MMGT1: variants seen among roughly 807,000 people sequenced by gnomAD.
MMGT1 encodes the protein ER membrane protein complex subunit 5.
Under a neutral mutation model 11.7 loss-of-function variants are expected in MMGT1, and 2 were observed. The observed-to-expected ratio is 0.17, with a 90% CI of 0.07 to 0.54. MMGT1 has a LOEUF of 0.54. Among genes scored for constraint, MMGT1 ranks in the 20% least tolerant of loss-of-function variants. The pLI is 0.94. For synonymous variants in MMGT1, 49 were observed against 44.4 expected (o/e 1.10, Z -0.41); for missense variants, 74 against 109.0 (o/e 0.68, Z 1.43).
chrX:135,969,829 G>A lies in MMGT1; in HGVS notation c.132+1229C>T, dbSNP rs2089207496. On this transcript the variant is annotated intron_variant, in intron 2 of 3. Transcript: ENST00000305963. ...TTAGGTAAAACTACACATACATAAT[G>A]CTGTTTGTGTATAGGAAGAAGACTG... 2.7e-5 allele frequency among the ~76,000 whole-genome samples: 3 copies of A among 112,076 alleles called. 1 individual carries two copies. The South Asian group carries it at 1.1e-3, about 41-fold the overall frequency.
rs1461531114 is a variant in MMGT1 at position 135,973,688 on chromosome X, G to T, written c.-13C>A. 8.6e-7 allele frequency: 1 copy of T among 1,167,372 alleles called. No individual in the cohort carries two copies. The highest frequency in any genetic ancestry group is 1.8e-5 in the African/African-American group (1 of 56,400). Reference sequence around the variant, plus strand: ...GCGACGGCGCCATGATGCCGAAGGAGCAGCAGCCCAGCAAAAGAAGCGAAG... The same window carrying T: ...GCGACGGCGCCATGATGCCGAAGGATCAGCAGCCCAGCAAAAGAAGCGAAG... On this transcript the variant is annotated 5_prime_UTR_variant, in exon 1 of 4. Transcript: ENST00000305963.
In MMGT1 at chrX:135,973,852, G is replaced by A. The variant is rs1430666415; in HGVS notation, c.-177C>T. The stretch of plus-strand genomic sequence containing the variant: ...GAGAAAACGGAAACAGGAATGCCGG[G>A]AAGAAGCAGAAAGCTACACGGAAAA... On this transcript the variant is annotated 5_prime_UTR_variant, in exon 1 of 4. Transcript: ENST00000305963. The A allele has an allele frequency of 8.6e-7, 1 of 1,160,849 alleles. No individual in the cohort carries two copies. The highest frequency in any genetic ancestry group is 1.1e-6 in the Non-Finnish European group (1 of 870,654).
Position 135,973,733 on chromosome X carries a change from C to T in MMGT1, c.-58G>A. On this transcript the variant is annotated 5_prime_UTR_variant, in exon 1 of 4. Transcript: ENST00000305963. Reference sequence around the variant, plus strand: ...GCGAAGGACGGCGGAGCTGTTTCTTCTTCCACCGGCGGGTGTCCGCGCGCC... The same window carrying T: ...GCGAAGGACGGCGGAGCTGTTTCTTTTTCCACCGGCGGGTGTCCGCGCGCC... The T allele has an allele frequency of 1.7e-6, 2 of 1,166,831 alleles. No individual in the cohort carries two copies. The highest frequency in any genetic ancestry group is 1.8e-5 in the African/African-American group (1 of 56,216).
intron 1 of MMGT1, among the ~76,000 whole-genome samples, chrX:135,971,541 C>T (rs2089219212): frequency 8.9e-6 from 1 of 112,014 alleles, no homozygotes; most frequent in Admixed American, 9.5e-5. Context: ...CTAGAAACTT[C>T]TCAAAACCGT....
rs1438237245 is a variant in MMGT1 at position 135,962,365 on chromosome X, T to C, written c.*2659A>G. On this transcript the variant is annotated 3_prime_UTR_variant, in exon 4 of 4. Transcript: ENST00000305963. ...AGTATTTGGCTGGTTCCCTGGTTAT[T>C]AAGTGAGTCGTTCCGTATTTTAAAG... The C allele has an allele frequency of 8.9e-6, 1 of 111,783 alleles. No individual in the cohort carries two copies. Among genetic ancestry groups the C allele is most frequent in the Non-Finnish European group, 1.9e-5 (1 of 53,180 alleles). The allele number at this position is 111,783 out of a possible 1,213,427, so 9.2% of individuals were successfully genotyped here. A position where few individuals can be genotyped will look rare whatever the true frequency, so the allele number is the denominator to read the frequency against.
chrX:135,965,570 TTTA>T (rs2089180804), intron 3 of MMGT1, among the ~76,000 whole-genome samples: 1 of 110,518 alleles, frequency 9.0e-6, no homozygotes, highest in Non-Finnish European at 1.9e-5. Flanking sequence ...ATGGCTTTCT[TTTA>T]TTATTATTTT....
At position 135,973,653 on chromosome X, in the gene MMGT1, C is replaced by T; in HGVS notation, c.23G>A (p.Gly8Glu). 8.6e-7 allele frequency: 1 copy of T among 1,167,464 alleles called. No individual in the cohort carries two copies. Among genetic ancestry groups the T allele is most frequent in the Non-Finnish European group, 1.1e-6 (1 of 873,052 alleles). Residue 8 changes from glycine to glutamate, a missense_variant, in exon 1 of 4, where the codon GGG becomes GAG. By Grantham distance (98) the Gly-to-Glu change is moderately conservative. Around this residue, in one of 2 missense-constraint regions of MMGT1, gnomAD observed 40 missense variants for 79.6 expected, o/e 0.50. Coordinates refer to ENST00000305963, the MANE Select transcript of MMGT1 (RefSeq NM_173470.3). The part of the protein sequence containing the change: MAPSLWK[G>E]LVGIGLFALA... ...GGCAAAGAGACCGATGCCCACCAGCCCCTTCCACAGCGACGGCGCCATGAT... is the reference window on the plus strand; with the variant it reads ...GGCAAAGAGACCGATGCCCACCAGCTCCTTCCACAGCGACGGCGCCATGAT...
At position 135,973,861 on chromosome X, in the gene MMGT1, G is replaced by A. The variant is rs1556612930; in HGVS notation, c.-186C>T. The A allele has an allele frequency of 1.7e-6, 2 of 1,159,837 alleles. No individual in the cohort carries two copies. The highest frequency in any genetic ancestry group is 2.6e-5 in the Admixed American group (1 of 38,205). ...GAAACAGGAATGCCGGGAAGAAGCAGAAAGCTACACGGAAAAAGGTCCGCG... is the reference window on the plus strand; with the variant it reads ...GAAACAGGAATGCCGGGAAGAAGCAAAAAGCTACACGGAAAAAGGTCCGCG... On this transcript the variant is annotated 5_prime_UTR_variant, in exon 1 of 4. Coordinates refer to ENST00000305963, the MANE Select transcript of MMGT1 (RefSeq NM_173470.3).
Position 135,973,730 on chromosome X carries a change from C to G in MMGT1, c.-55G>C, listed in dbSNP as rs1603177442. 1.7e-6 allele frequency: 2 copies of G among 1,166,913 alleles called. No homozygotes were observed. Among genetic ancestry groups the G allele is most frequent in the Non-Finnish European group, 2.3e-6 (2 of 872,945 alleles). The stretch of plus-strand genomic sequence containing the variant: ...GAAGCGAAGGACGGCGGAGCTGTTT[C>G]TTCTTCCACCGGCGGGTGTCCGCGC... On this transcript the variant is annotated 5_prime_UTR_variant, in exon 1 of 4. Coordinates refer to ENST00000305963, the MANE Select transcript of MMGT1 (RefSeq NM_173470.3).
At chrX:135,969,485 C>T (rs1370942461) in intron 2 of MMGT1, among the ~76,000 whole-genome samples, 1 of 110,472 alleles carries the variant, frequency 9.1e-6, no homozygotes, top group Non-Finnish European at 1.9e-5. Flanking sequence ...GATTAAGGCG[C>T]CCACCACCAT....
chrX:135,973,701 A>T lies in MMGT1; in HGVS notation c.-26T>A, dbSNP rs1260593961. 2 of 1,165,548 alleles carry T rather than the reference A, an allele frequency of 1.7e-6. No individual in the cohort carries two copies. The highest frequency in any genetic ancestry group is 3.6e-5 in the African/African-American group (2 of 55,694). On this transcript the variant is annotated 5_prime_UTR_variant, in exon 1 of 4. Coordinates refer to ENST00000305963, the MANE Select transcript of MMGT1 (RefSeq NM_173470.3). ...GATGCCGAAGGAGCAGCAGCCCAGCAAAAGAAGCGAAGGACGGCGGAGCTG... is the reference window on the plus strand; with the variant it reads ...GATGCCGAAGGAGCAGCAGCCCAGCTAAAGAAGCGAAGGACGGCGGAGCTG...
chrX:135,963,912 ACT>A lies in MMGT1; in HGVS notation c.*1110_*1111del, dbSNP rs1322297943. 142 of 112,803 alleles carry A rather than the reference ACT, an allele frequency of 1.3e-3. No individual in the cohort carries two copies. The highest frequency in any genetic ancestry group is 4.3e-3 in the African/African-American group (135 of 31,103). The allele number at this position is 112,803 out of a possible 1,213,427, so 9.3% of individuals were successfully genotyped here. The stretch of plus-strand genomic sequence containing the variant: ...AGCCAATTTCCTTAAAAGTAAAATT[ACT>A]GTTTCTAAAAATATCAACTCTGTAT... On this transcript the variant is annotated 3_prime_UTR_variant, in exon 4 of 4. Transcript: ENST00000305963.
chrX:135,968,825 C>T (rs1186389453), intron 2 of MMGT1, among the ~76,000 whole-genome samples: 2 of 111,514 alleles, frequency 1.8e-5, no homozygotes, highest in Non-Finnish European at 3.8e-5. Flanking sequence ...CCACCGTGCT[C>T]GGCCAGTTTT....
intron 2 of MMGT1, among the ~76,000 whole-genome samples, chrX:135,967,894 G>T (rs1422522074): frequency 9.0e-6 from 1 of 110,538 alleles, no homozygotes; most frequent in East Asian, 2.8e-4. Flanking sequence ...TTTCCCTCTT[G>T]TTATCCAGGC....
chrX:135,967,748 T>A (rs1004069630), intron 2 of MMGT1, among the ~76,000 whole-genome samples: 38 of 112,094 alleles, frequency 3.4e-4, no homozygotes, highest in African/African-American at 1.2e-3. Context: ...GAGTACTGAA[T>A]GGTACTGAGC....
intron 3 of MMGT1, among the ~76,000 whole-genome samples, chrX:135,965,539 T>C (rs1196208249): frequency 1.8e-5 from 2 of 111,324 alleles, no homozygotes; most frequent in Non-Finnish European, 3.8e-5. Context: ...GTGCTGGCAC[T>C]ACAGATGCGC....
chrX:135,969,477 T>C (rs2089205804), intron 2 of MMGT1, among the ~76,000 whole-genome samples: 2 of 110,785 alleles, frequency 1.8e-5, no homozygotes, highest in African/African-American at 6.6e-5. Context: ...GTATCTGGGA[T>C]TAAGGCGCCC....
chrX:135,965,323 A>G (rs782527477), intron 3 of MMGT1, 140 bp from the exon 4 acceptor site: 91 of 428,111 alleles, frequency 2.1e-4, no homozygotes, highest in Non-Finnish European at 3.3e-4. Context: ...CAGACTGTAA[A>G]TAATAATTAT....
In MMGT1 at chrX:135,973,834, C is replaced by T; in HGVS notation, c.-159G>A. ...GAAAAGCCAGAGGGCTGTGAGAAAA[C>T]GGAAACAGGAATGCCGGGAAGAAGC... On this transcript the variant is annotated 5_prime_UTR_variant, in exon 1 of 4. Transcript: ENST00000305963. The T allele has an allele frequency of 8.6e-7, 1 of 1,162,472 alleles. No homozygotes were observed. The highest frequency in any genetic ancestry group is 1.1e-6 in the Non-Finnish European group (1 of 871,359).
Sources: gnomAD v4.1 joint callset for allele counts (sites outside exome capture counted in the v4.1 genomes callset) on GRCh38, gnomAD v4.1.1 for gene constraint, gnomAD v4.1.1 regional missense constraint, MANE v1.5 for transcripts, NCBI Gene and HGNC (gene_info 2026-07-23, HGNC 2026-07-21) for gene names.